The following SLX4 variants were observed in gnomAD, a reference collection of about 807,000 sequenced individuals.
SLX4 encodes SLX4 structure-specific endonuclease subunit.
In SLX4, 112 loss-of-function variants were observed where a neutral mutation model predicts 146.2. That is an observed-to-expected ratio of 0.77 (90% CI 0.66 to 0.90). The LOEUF is 0.90. Among genes scored for constraint, SLX4 ranks in the 40% least tolerant of loss-of-function variants. The pLI is 0.00. For synonymous variants in SLX4, 1,061 were observed against 997.7 expected (o/e 1.06, Z -1.20); for missense variants, 2,563 against 2,392.7 (o/e 1.07, Z -1.49).
intron 2 of SLX4, among the ~76,000 whole-genome samples, chr16:3,607,741 TC>T (rs1028738759): frequency 3.3e-5 from 5 of 151,990 alleles, no homozygotes; most frequent in African/African-American, 1.2e-4. Context: ...GATTAAAAGG[TC>T]TTCAGAGAGA....
At chr16:3,584,677 C>A (rs189824171) in intron 13 of SLX4, 92 bp downstream of exon 13, 2 of 1,000,606 alleles carry the variant, frequency 2.0e-6, no homozygotes, top group Admixed American at 1.7e-5. Flanking sequence ...AGAGACCACA[C>A]GGGGGGCCCT....
At position 3,590,037 on chromosome 16, in the gene SLX4, G is replaced by C. The variant is rs758163209; in HGVS notation, c.3601C>G (p.Gln1201Glu). The change falls in exon 12 of 15, where the codon CAG (glutamine) becomes GAG (glutamate). Residue 1201 changes from glutamine to glutamate, a missense_variant. Coordinates refer to ENST00000294008, the MANE Select transcript of SLX4 (RefSeq NM_032444.4). This position sits in a 1 kb window ranked among gnomAD's most constrained non-coding sequence, Gnocchi z 4.8. ...CTTGGTGGGCTCTGGGAAGGTTCCTGATCTGCATCAACATCAATGATGGAA... is the reference window on the plus strand; with the variant it reads ...CTTGGTGGGCTCTGGGAAGGTTCCTCATCTGCATCAACATCAATGATGGAA... Reference protein sequence around the residue: ...LFSIIDVDADQEPSQSPPRSE... With the variant: ...LFSIIDVDADEEPSQSPPRSE... 1.2e-6 allele frequency: 2 copies of C among 1,614,138 alleles called. No homozygotes were observed. The highest frequency in any genetic ancestry group is 1.7e-6 in the Non-Finnish European group (2 of 1,180,050).
Position 3,597,743 on chromosome 16 carries a change from C to T in SLX4, c.1367-48G>A, listed in dbSNP as rs758533390. 5 of 1,614,018 alleles carry T rather than the reference C, an allele frequency of 3.1e-6. No homozygotes were observed. The highest frequency in any genetic ancestry group is 2.2e-5 in the East Asian group (1 of 44,884). On this transcript the variant is annotated intron_variant, in intron 6 of 14. Coordinates refer to ENST00000294008, the MANE Select transcript of SLX4 (RefSeq NM_032444.4). The surrounding 1 kb of genome is among the most constrained non-coding windows in gnomAD (Gnocchi z 4.4). ...CCATCAACGGTGGAGTCGGTCCACT[C>T]ACCCGGGACCTGCTGATGGCCTCTC...
intron 1 of SLX4, among the ~76,000 whole-genome samples, chr16:3,611,352 C>T (rs2040869077): frequency 6.6e-6 from 1 of 152,268 alleles, no homozygotes; most frequent in African/African-American, 2.4e-5. Flanking sequence ...CCGCCACCCT[C>T]CTCCCTCCAG....
At position 3,597,461 on chromosome 16, in the gene SLX4, C is replaced by T. The variant is rs764639716; in HGVS notation, c.1601G>A (p.Ser534Asn). ...CATGGCCCAGGCCCCAGTCAGTGCG[C>T]TGCCCTCCCACAGAAAGCTCTGCTT... ...ERKQSFLWEG[S>N]ALTGAWAMED... Residue 534 changes from serine (S) to asparagine (N), a missense_variant, in exon 7 of 15, where the codon AGC becomes AAC. Transcript: ENST00000294008. The surrounding 1 kb of genome is among the most constrained non-coding windows in gnomAD (Gnocchi z 4.4). 1 of 1,613,474 alleles carries T rather than the reference C, an allele frequency of 6.2e-7. No individual in the cohort carries two copies. Among genetic ancestry groups the T allele is most frequent in the South Asian group, 1.1e-5 (1 of 90,966 alleles).
Position 3,597,308 on chromosome 16 carries a change from C to T in SLX4, c.1683+71G>A. The T allele has an allele frequency of 6.9e-7, 1 of 1,441,508 alleles. No individual in the cohort carries two copies. 89.3% of individuals were successfully genotyped at this position (1,441,508 alleles called of 1,614,324 possible). On this transcript the variant is annotated intron_variant, in intron 7 of 14. Coordinates refer to ENST00000294008, the MANE Select transcript of SLX4 (RefSeq NM_032444.4). The surrounding 1 kb of genome is among the most constrained non-coding windows in gnomAD (Gnocchi z 4.4). ...CTTTCCATCACCTGGCTGTGGGTAC[C>T]CAGTGTTGCAGTTCTGGGATTGCCA...
Position 3,590,610 on chromosome 16 carries a change from C to T in SLX4, c.3028G>A (p.Ala1010Thr), listed in dbSNP as rs868176090. 7.4e-6 allele frequency: 12 copies of T among 1,613,840 alleles called. No homozygotes were observed. Among genetic ancestry groups the T allele is most frequent in the East Asian group, 6.7e-5 (3 of 44,894 alleles). The stretch of plus-strand genomic sequence containing the variant: ...ACCTCCAGCCCCCTTTCCCTGACAG[C>T]GCCACTTTGTTCCTCGGGCTCACTT... Reference protein sequence around the residue: ...ITSEPEEQSGAVRERGLEVSH... With the variant: ...ITSEPEEQSGTVRERGLEVSH... The change falls in exon 12 of 15, where the codon GCT (alanine) becomes ACT (threonine). Residue 1010 changes from alanine to threonine, a missense_variant. Transcript: ENST00000294008. The surrounding 1 kb of genome is among the most constrained non-coding windows in gnomAD (Gnocchi z 4.8).
chr16:3,589,957 G>A lies in SLX4; in HGVS notation c.3681C>T (p.Gly1227=). Residue 1227 remains glycine, a synonymous_variant, in exon 12 of 15, where the codon GGC becomes GGT. Transcript: ENST00000294008. This position sits in a 1 kb window ranked among gnomAD's most constrained non-coding sequence, Gnocchi z 6.2. Reference sequence around the variant, plus strand: ...AGGGAGCCCCTCTCCTGCCCAAAGAGCCCCGATTCTCCGGCAGCGCCCCCT... The same window carrying A: ...AGGGAGCCCCTCTCCTGCCCAAAGAACCCCGATTCTCCGGCAGCGCCCCCT... ...EDEGALPENR[G]SLGRRGAPWL... is the part of the protein sequence containing the mutation. 1.2e-6 allele frequency: 2 copies of A among 1,613,810 alleles called. No individual in the cohort carries two copies. The highest frequency in any genetic ancestry group is 1.7e-6 in the Non-Finnish European group (2 of 1,179,988).
chr16:3,583,673 C>T (rs536819001), intron 13 of SLX4, among the ~76,000 whole-genome samples, 163 bp from the exon 14 acceptor site: 1 of 152,304 alleles, frequency 6.6e-6, no homozygotes, highest in Admixed American at 6.5e-5. Flanking sequence ...AGTGTCTATT[C>T]TAGGCGCCAA....
At position 3,608,549 on chromosome 16, in the gene SLX4, C is replaced by G. The variant is rs2040812049; in HGVS notation, c.416G>C (p.Gly139Ala). 1.2e-6 allele frequency: 2 copies of G among 1,614,190 alleles called. No homozygotes were observed. The highest frequency in any genetic ancestry group is 1.7e-6 in the Non-Finnish European group (2 of 1,180,040). ...QASEPAHSVN[G>A]EGGVLASAPD... ...AGCAGAGGCAAGCACACCCCCCTCC[C>G]CATTCACAGAGTGGGCCGGTTCACT... is the stretch of plus-strand genomic sequence containing the variant. Residue 139 changes from glycine to alanine, a missense_variant, in exon 2 of 15, where the codon GGG (glycine) becomes GCG (alanine). Transcript: ENST00000294008.
rs762531905 is a variant in SLX4, at chr16:3,590,645, G to C, written c.2993C>G (p.Ser998Cys). The change falls in exon 12 of 15, where the codon TCC (serine) becomes TGC (cysteine). Residue 998 changes from serine to cysteine, a missense_variant. Coordinates refer to ENST00000294008, the MANE Select transcript of SLX4 (RefSeq NM_032444.4). This position sits in a 1 kb window ranked among gnomAD's most constrained non-coding sequence, Gnocchi z 4.8. ...SSTQGEISEP[S>C]QITSEPEEQS... The stretch of plus-strand genomic sequence containing the variant: ...TTCCTCGGGCTCACTTGTTATTTGG[G>C]ACGGCTCTGAGATCTCTCCCTGAGT... The C allele has an allele frequency of 6.2e-7, 1 of 1,614,168 alleles. No individual in the cohort carries two copies. Among genetic ancestry groups the C allele is most frequent in the South Asian group, 1.1e-5 (1 of 91,088 alleles).
chr16:3,602,822 G>A (rs1395317206), intron 3 of SLX4, among the ~76,000 whole-genome samples: 3 of 152,180 alleles, frequency 2.0e-5, no homozygotes, highest in Non-Finnish European at 4.4e-5. Flanking sequence ...TGCCTTTGGC[G>A]TTTAAAAGGC....
At chr16:3,587,863 C>T (rs1323975540) in intron 12 of SLX4, among the ~76,000 whole-genome samples, 2 of 152,326 alleles carry the variant, frequency 1.3e-5, no homozygotes, top group Admixed American at 1.3e-4. Context: ...TCACTCACAG[C>T]CTGGCCTTTC....
Position 3,590,185 on chromosome 16 carries a change from G to T in SLX4, c.3453C>A (p.Val1151=). ...CCTCATCCGAGTCCAGTAAGAGGAT[G>T]ACCTCATCTTCTTCGTTCAGTTTGG... ...SSSKLNEEDE[V]ILLLDSDEEL... Residue 1151 remains valine, a synonymous_variant, in exon 12 of 15, where the codon GTC becomes GTA. Transcript: ENST00000294008. This position sits in a 1 kb window ranked among gnomAD's most constrained non-coding sequence, Gnocchi z 4.8. The T allele has an allele frequency of 6.2e-7, 1 of 1,614,184 alleles. No individual in the cohort carries two copies. The highest frequency in any genetic ancestry group is 8.5e-7 in the Non-Finnish European group (1 of 1,180,050).
intron 12 of SLX4, among the ~76,000 whole-genome samples, chr16:3,587,268 G>A (rs1228754205): frequency 6.6e-6 from 1 of 152,152 alleles, no homozygotes; most frequent in Admixed American, 6.5e-5. Context: ...AGGCCGAGGT[G>A]GGCGGATCAC....
At chr16:3,601,871 G>A (rs552072695) in intron 4 of SLX4, 63 of 495,596 alleles carry the variant, frequency 1.3e-4, no homozygotes, top group South Asian at 9.4e-4. Context: ...TAATCCAGAA[G>A]TGATTGTGGT....
chr16:3,591,425 A>C (rs745738338), intron 11 of SLX4, 115 bp from the exon 12 acceptor site: 2 of 1,456,604 alleles, frequency 1.4e-6, no homozygotes, highest in Non-Finnish European at 1.9e-6. Context: ...ACCATGACCC[A>C]GGCCCTGCTT....
At chr16:3,601,337 C>T (rs953291735) in intron 4 of SLX4, 146 bp from the exon 5 acceptor site, 17 of 786,666 alleles carry the variant, frequency 2.2e-5, no homozygotes, top group African/African-American at 8.5e-5. Context: ...CTCCGTCTCC[C>T]GGCAGTCAGC....
At chr16:3,592,565 T>A (rs1204319244) in intron 11 of SLX4, 134 bp downstream of exon 11, 1 of 1,079,312 alleles carries the variant, frequency 9.3e-7, no homozygotes, top group Non-Finnish European at 1.4e-6. Flanking sequence ...GTCATGGACT[T>A]GGGATTAAAA....
Sources: gnomAD v4.1 joint callset for allele counts (sites outside exome capture counted in the v4.1 genomes callset) on GRCh38, gnomAD v4.1.1 for gene constraint, Gnocchi (gnomAD v3.1) non-coding constraint, MANE v1.5 for transcripts, NCBI Gene and HGNC (gene_info 2026-07-23, HGNC 2026-07-21) for gene names.